Variants in MEI4 observed in about 807,000 individuals in gnomAD.
MEI4 encodes the protein meiosis-specific protein MEI4.
Under a neutral mutation model 31.4 loss-of-function variants are expected in MEI4, and 27 were observed. That is an observed-to-expected ratio of 0.86 (90% CI 0.63 to 1.19). The LOEUF (loss-of-function observed/expected upper bound fraction) is 1.19. MEI4 is among the 50% of genes most tolerant of loss of function. The pLI, the probability that MEI4 is intolerant of heterozygous loss-of-function variation, is 0.00. For missense variants in MEI4, 329 were observed against 398.9 expected (o/e 0.82, Z 1.49); for synonymous variants, 122 against 145.4 (o/e 0.84, Z 1.16).
chr6:77,854,186 T>C (rs894111412), intron 4 of MEI4, among the ~76,000 whole-genome samples: 2 of 152,150 alleles, frequency 1.3e-5, no homozygotes, highest in Non-Finnish European at 2.9e-5. Flanking sequence ...ACTCTATTCA[T>C]GACTCGCTAT....
At chr6:77,818,155 T>G (rs943264190) in intron 3 of MEI4, among the ~76,000 whole-genome samples, 15 of 152,206 alleles carry the variant, frequency 9.9e-5, no homozygotes, top group African/African-American at 3.6e-4. Flanking sequence ...CTGAAAAACT[T>G]ACATTGCTGC....
intron 2 of MEI4, among the ~76,000 whole-genome samples, chr6:77,736,599 G>A (rs944173168): frequency 8.6e-5 from 13 of 152,038 alleles, no homozygotes; most frequent in East Asian, 1.9e-4. Flanking sequence ...CGTCTTCTGC[G>A]TCGCTCATGC....
intron 4 of MEI4, among the ~76,000 whole-genome samples, chr6:77,918,126 T>A (rs9343694): frequency 6.7e-6 from 1 of 148,882 alleles, no homozygotes; most frequent in Admixed American, 6.7e-5. Context: ...CATTGATCTA[T>A]ATCTCTGTTT....
At chr6:77,713,216 A>T (rs1046998337) in intron 2 of MEI4, among the ~76,000 whole-genome samples, 18 of 152,242 alleles carry the variant, frequency 1.2e-4, no homozygotes, top group African/African-American at 4.1e-4. Context: ...TGGTTTGGAT[A>T]TTGAGGAACT....
intron 2 of MEI4, among the ~76,000 whole-genome samples, chr6:77,706,155 T>C (rs1399816237): frequency 6.6e-6 from 1 of 152,238 alleles, no homozygotes; most frequent in African/African-American, 2.4e-5. Context: ...AACCCCTTCC[T>C]GTAAAAAGCT....
intron 1 of MEI4, among the ~76,000 whole-genome samples, chr6:77,679,397 T>A (rs1016374804): frequency 6.9e-6 from 1 of 145,692 alleles, no homozygotes. Context: ...ACACAAATAT[T>A]TATGATTGTG....
At chr6:77,758,201 C>G (rs567679336) in intron 2 of MEI4, among the ~76,000 whole-genome samples, 1 of 150,472 alleles carries the variant, frequency 6.6e-6, no homozygotes, top group South Asian at 2.1e-4. Context: ...ACATGCAGTT[C>G]AGTTTGTTTG....
chr6:77,734,895 G>A (rs1767138194), intron 2 of MEI4, among the ~76,000 whole-genome samples: 1 of 151,618 alleles, frequency 6.6e-6, no homozygotes, highest in Admixed American at 6.6e-5. Flanking sequence ...CACTTATGAA[G>A]CTTAGTTTGG....
intron 4 of MEI4, among the ~76,000 whole-genome samples, chr6:77,919,143 C>T (rs533720348): frequency 5.7e-4 from 87 of 151,972 alleles, no homozygotes; most frequent in Non-Finnish European, 1.0e-3. Context: ...CTGCACCAAG[C>T]GGACCTAATA....
chr6:77,868,523 A>ATATATATATATATATATATATG (rs1771113885), intron 4 of MEI4, among the ~76,000 whole-genome samples: 1 of 139,992 alleles, frequency 7.1e-6, no homozygotes. Flanking sequence ...ATATATATAT[A>ATATATATATATATATATATATG]TATATGCAGA....
chr6:77,732,275 C>T lies in MEI4; in HGVS notation c.233-28855C>T, dbSNP rs1247719525. Among the ~76,000 whole-genome samples the T allele has an allele frequency of 4.6e-5, 7 of 152,064 alleles. No individual in the cohort carries two copies. The South Asian group carries it at 8.3e-4, about 18-fold the overall frequency. ...CTACCCATGAGCATGGAATGTTCTT[C>T]CATTTGTTTTTATCCTCTTTTATTT... On this transcript the variant is annotated intron_variant, in intron 2 of 4. Coordinates refer to ENST00000684080, the MANE Select transcript of MEI4 (RefSeq NM_001322247.2).
chr6:77,801,059 A>G (rs1769241419), intron 3 of MEI4, among the ~76,000 whole-genome samples: 2 of 152,158 alleles, frequency 1.3e-5, no homozygotes, highest in South Asian at 4.1e-4. Context: ...ATAATTTCAG[A>G]AGGAATGGTA....
intron 2 of MEI4, among the ~76,000 whole-genome samples, chr6:77,707,981 C>A (rs748278589): frequency 6.6e-6 from 1 of 152,226 alleles, no homozygotes; most frequent in African/African-American, 2.4e-5. Flanking sequence ...AGGGGTGGAA[C>A]CCTTGTAGAG....
At chr6:77,750,853 T>C (rs1324034322) in intron 2 of MEI4, among the ~76,000 whole-genome samples, 3 of 152,136 alleles carry the variant, frequency 2.0e-5, no homozygotes, top group African/African-American at 2.4e-5. Context: ...TACTCTAAAA[T>C]TGACCACATA....
chr6:77,870,074 A>G (rs1310723813), intron 4 of MEI4, among the ~76,000 whole-genome samples: 1 of 152,148 alleles, frequency 6.6e-6, no homozygotes, highest in African/African-American at 2.4e-5. Flanking sequence ...AAAGGGGGCA[A>G]GTACTACAAT....
At chr6:77,664,609 G>C (rs1768584065) in intron 1 of MEI4, among the ~76,000 whole-genome samples, 1 of 152,068 alleles carries the variant, frequency 6.6e-6, no homozygotes, top group African/African-American at 2.4e-5. Flanking sequence ...GTGAGGAGGG[G>C]AGAGGTCAGA....
In MEI4 at chr6:77,781,062, A is replaced by G. The variant is rs537714997; in HGVS notation, c.768+19397A>G. On this transcript the variant is annotated intron_variant, in intron 3 of 4. Transcript: ENST00000684080. ...GAACCATGCTCAGCTAATTTTTAAA[A>G]CATTTTTTTGTTTTTTATAGAGACA... is the stretch of plus-strand genomic sequence containing the variant. Among the ~76,000 whole-genome samples the G allele has an allele frequency of 1.4e-3, 212 of 151,990 alleles. 1 individual carries two copies. Among genetic ancestry groups the G allele is most frequent in the African/African-American group, 4.5e-3 (186 of 41,480 alleles).
intron 3 of MEI4, among the ~76,000 whole-genome samples, chr6:77,791,841 A>T (rs1213162799): frequency 6.6e-6 from 1 of 152,182 alleles, no homozygotes; most frequent in Non-Finnish European, 1.5e-5. Flanking sequence ...GTAATTATGT[A>T]GTATAACCAT....
At chr6:77,746,791 C>G (rs1385233429) in intron 2 of MEI4, among the ~76,000 whole-genome samples, 1 of 151,820 alleles carries the variant, frequency 6.6e-6, no homozygotes, top group African/African-American at 2.4e-5. Flanking sequence ...AGAAAGGAGC[C>G]AAGGATGGTT....
Sources: gnomAD v4.1 joint callset for allele counts (sites outside exome capture counted in the v4.1 genomes callset) on GRCh38, gnomAD v4.1.1 for gene constraint, MANE v1.5 for transcripts, NCBI Gene and HGNC (gene_info 2026-07-23, HGNC 2026-07-21) for gene names.